RIC1: variants seen among roughly 807,000 people sequenced by gnomAD.
RIC1 encodes the protein RIC1 partner of RAB6A GEF complex.
In RIC1, 88 loss-of-function variants were observed where a neutral mutation model predicts 169.0. The ratio of observed to expected loss-of-function variants is 0.52; its 90% confidence interval spans 0.44 to 0.62. The LOEUF is 0.62. RIC1 is among the 20% of genes least tolerant of loss of function. The pLI is 0.00. For missense variants in RIC1, 1,877 were observed against 1,725.5 expected (o/e 1.09, Z -1.56); for synonymous variants, 790 against 601.5 (o/e 1.31, Z -4.59).
intron 2 of RIC1, among the ~76,000 whole-genome samples, chr9:5,686,779 AT>A (rs1344754228): frequency 6.7e-6 from 1 of 149,746 alleles, no homozygotes; most frequent in Non-Finnish European, 1.5e-5. Flanking sequence ...AAGTATAATA[AT>A]AAAAAAAAAG....
At chr9:5,685,087 G>A (rs1035667355) in intron 2 of RIC1, among the ~76,000 whole-genome samples, 19 of 151,796 alleles carry the variant, frequency 1.3e-4, no homozygotes. Flanking sequence ...TGTTAATGAG[G>A]GAAGGAGAAC....
At chr9:5,676,674 G>C (rs1299171695) in intron 2 of RIC1, among the ~76,000 whole-genome samples, 2 of 152,032 alleles carry the variant, frequency 1.3e-5, no homozygotes, top group East Asian at 3.8e-4. Flanking sequence ...TTTTTTAATG[G>C]GGTTTAAAGA....
chr9:5,680,064 T>C (rs1820720572), intron 2 of RIC1, among the ~76,000 whole-genome samples: 1 of 152,230 alleles, frequency 6.6e-6, no homozygotes, highest in Admixed American at 6.5e-5. Flanking sequence ...TTGTTGAATT[T>C]TGTCAAAGGC....
intron 3 of RIC1, among the ~76,000 whole-genome samples, chr9:5,706,429 C>A (rs1193925424): frequency 6.6e-6 from 1 of 151,894 alleles, no homozygotes; most frequent in East Asian, 1.9e-4. Context: ...TCCAGCCTAG[C>A]GACAGAGCAA....
chr9:5,753,526 T>C lies in RIC1; in HGVS notation c.1492-10T>C. The C allele has an allele frequency of 6.4e-7, 1 of 1,554,790 alleles. No individual in the cohort carries two copies. Among genetic ancestry groups the C allele is most frequent in the Non-Finnish European group, 8.7e-7 (1 of 1,143,690 alleles). Reference sequence around the variant, plus strand: ...TGCAAGGAAAAGTTCTTATTTTTTTTTTTAAACAGTTTTCAGCTATTGATA... The same window carrying C: ...TGCAAGGAAAAGTTCTTATTTTTTTCTTTAAACAGTTTTCAGCTATTGATA... On this transcript the variant is annotated splice_polypyrimidine_tract_variant and intron_variant, in intron 13 of 25. Coordinates refer to ENST00000414202, the MANE Select transcript of RIC1 (RefSeq NM_020829.4).
intron 17 of RIC1, among the ~76,000 whole-genome samples, chr9:5,760,430 A>G (rs1826257007): frequency 6.6e-6 from 1 of 152,232 alleles, no homozygotes. Flanking sequence ...TTTTTAATGA[A>G]TTAGTATGAA....
chr9:5,776,652 T>TCAGA (rs1163326533), downstream of RIC1: 2 of 152,012 alleles, frequency 1.3e-5, no homozygotes, highest in East Asian at 3.8e-4. Flanking sequence ...GAAATGAAAT[T>TCAGA]CAGACAGATT....
At chr9:5,698,641 T>C (rs1486637081) in intron 3 of RIC1, among the ~76,000 whole-genome samples, 1 of 152,204 alleles carries the variant, frequency 6.6e-6, no homozygotes, top group African/African-American at 2.4e-5. Context: ...AATATGGCAG[T>C]TGGAATCAGA....
intron 3 of RIC1, among the ~76,000 whole-genome samples, chr9:5,700,730 A>T (rs1019382097): frequency 1.3e-5 from 2 of 152,164 alleles, no homozygotes; most frequent in African/African-American, 2.4e-5. Flanking sequence ...ATTCTGCACA[A>T]GTGCACACTA....
Position 5,754,936 on chromosome 9 carries a change from T to G in RIC1, c.1692+6T>G. ...TAAATGACCGTCAAGAAGAGGTAAG[T>G]TTTTTCTCTCAGAAATAACAGATTT... On this transcript the variant is annotated splice_donor_region_variant and intron_variant, in intron 15 of 25. Transcript: ENST00000414202. 1 of 1,495,124 alleles carries G rather than the reference T, an allele frequency of 6.7e-7. No individual in the cohort carries two copies. The allele number at this position is 1,495,124 out of a possible 1,614,324, so 92.6% of individuals were successfully genotyped here.
At chr9:5,665,254 C>T (rs1035817742) in intron 2 of RIC1, among the ~76,000 whole-genome samples, 7 of 150,718 alleles carry the variant, frequency 4.6e-5, no homozygotes, top group African/African-American at 1.5e-4. Flanking sequence ...TTATCTCTCA[C>T]ATTGTCAGTG....
intron 1 of RIC1, among the ~76,000 whole-genome samples, chr9:5,651,081 C>T (rs552634823): frequency 2.1e-3 from 318 of 152,290 alleles, no homozygotes; most frequent in African/African-American, 7.2e-3. Context: ...AGTGTCATCA[C>T]ATGGTCTCTA....
intron 2 of RIC1, among the ~76,000 whole-genome samples, chr9:5,662,065 C>G (rs1704754634): frequency 6.6e-6 from 1 of 152,094 alleles, no homozygotes; most frequent in African/African-American, 2.4e-5. Context: ...TATTAAAGAC[C>G]TTTTCCGCAT....
rs149028282 is a variant in RIC1 at position 5,735,843 on chromosome 9, A to G, written c.813-2607A>G. On this transcript the variant is annotated intron_variant, in intron 7 of 25. Transcript: ENST00000414202. ...TCATGGGTGATGATATATATTTCCT[A>G]TGGTATCATTTAGTAATAATGTCAA... is the stretch of plus-strand genomic sequence containing the variant. Among the ~76,000 whole-genome samples the G allele has an allele frequency of 5.2e-3, 798 of 152,312 alleles. 8 individuals are homozygous for G. The highest frequency in any genetic ancestry group is 5.7e-3 in the Non-Finnish European group (386 of 68,030).
At chr9:5,756,767 A>G (rs997243493) in intron 16 of RIC1, among the ~76,000 whole-genome samples, 3 of 152,188 alleles carry the variant, frequency 2.0e-5, no homozygotes, top group Non-Finnish European at 2.9e-5. Context: ...ACTGACTTAT[A>G]TTTCCACTGA....
intron 4 of RIC1, 55 bp downstream of exon 4, chr9:5,714,058 C>A: frequency 9.0e-7 from 1 of 1,115,110 alleles, no homozygotes; most frequent in South Asian, 1.5e-5. Context: ...CAATGTAGTT[C>A]GTAAATCCCA....
intron 1 of RIC1, among the ~76,000 whole-genome samples, chr9:5,639,474 T>C (rs1399080986): frequency 3.3e-5 from 5 of 152,192 alleles, no homozygotes; most frequent in Non-Finnish European, 5.9e-5. Flanking sequence ...ATTATTTCAG[T>C]TTTTTTGAAT....
rs369104125 is a variant in RIC1 at position 5,642,008 on chromosome 9, C to G, written c.144+12555C>G. 2.0e-4 allele frequency among the ~76,000 whole-genome samples: 29 copies of G among 144,032 alleles called. 4 individuals are homozygous for G. Among genetic ancestry groups the G allele is most frequent in the African/African-American group, 6.3e-4 (22 of 35,008 alleles). 94.5% of individuals were successfully genotyped at this position (144,032 alleles called of 152,430 possible). A position where few individuals can be genotyped will look rare whatever the true frequency, so the allele number is the denominator to read the frequency against. On this transcript the variant is annotated intron_variant, in intron 1 of 25. Coordinates refer to ENST00000414202, the MANE Select transcript of RIC1 (RefSeq NM_020829.4). ...TAGATGTTCATTGGTGTGTAGGCATCAAAGAGGTAGGTATTTATTGTAGTC... is the reference window on the plus strand; with the variant it reads ...TAGATGTTCATTGGTGTGTAGGCATGAAAGAGGTAGGTATTTATTGTAGTC...
Position 5,765,471 on chromosome 9 carries a change from C to T in RIC1, c.2899C>T (p.Leu967=), listed in dbSNP as rs769226806. ...QHATLLFNTA[L]EQGKWDLCRH... is the part of the protein sequence containing the mutation. Reference sequence around the variant, plus strand: ...TGCTACCCTTCTATTCAACACAGCACTAGAACAAGGCAAGTGGGACCTTTG... The same window carrying T: ...TGCTACCCTTCTATTCAACACAGCATTAGAACAAGGCAAGTGGGACCTTTG... The change falls in exon 20 of 26, where the codon CTA becomes TTA. Residue 967 remains leucine (L), a synonymous_variant. Transcript: ENST00000414202. 9.9e-6 allele frequency: 16 copies of T among 1,614,184 alleles called. No individual in the cohort carries two copies. In the South Asian group the frequency reaches 1.8e-4, roughly 18 times the overall value.
Sources: gnomAD v4.1 joint callset for allele counts (sites outside exome capture counted in the v4.1 genomes callset) on GRCh38, gnomAD v4.1.1 for gene constraint, MANE v1.5 for transcripts, NCBI Gene and HGNC (gene_info 2026-07-23, HGNC 2026-07-21) for gene names.